The following ZDHHC5 variants were observed in gnomAD, a reference collection of about 807,000 sequenced individuals.
The protein encoded by ZDHHC5 is palmitoyltransferase ZDHHC5.
Under a neutral mutation model 70.0 loss-of-function variants are expected in ZDHHC5, and 22 were observed. The ratio of observed to expected loss-of-function variants is 0.31; its 90% CI spans 0.22 to 0.45. ZDHHC5 has a LOEUF of 0.45. ZDHHC5 is among the 20% of genes least tolerant of loss of function. The pLI is 1.00. For missense variants in ZDHHC5, 746 were observed against 926.9 expected (o/e 0.80, Z 2.53); for synonymous variants, 313 against 347.8 (o/e 0.90, Z 1.11).
intron 4 of ZDHHC5, 109 bp from the exon 5 acceptor site, chr11:57,689,922 A>T: frequency 1.5e-6 from 2 of 1,312,410 alleles, no homozygotes; most frequent in East Asian, 2.3e-5. Flanking sequence ...ATTTTGAACT[A>T]ATTGGTGACC....
Position 57,699,907 on chromosome 11 carries a change from G to C in ZDHHC5, c.2024G>C (p.Gly675Ala). The C allele has an allele frequency of 6.2e-7, 1 of 1,614,234 alleles. No individual in the cohort carries two copies. Residue 675 changes from glycine (G) to alanine (A), a missense_variant, in exon 12 of 12, where the codon GGG becomes GCG. Physicochemically the swap from Gly to Ala is moderately conservative, Grantham distance 60. Around this residue, in one of 6 missense-constraint regions of ZDHHC5, gnomAD observed 340 missense variants for 350.1 expected, o/e 0.97. Transcript: ENST00000287169. ...QLKTTYSKSN[G>A]QPKSLGSASP... ...AAGACCACCTACAGCAAATCCAACG[G>C]GCAGCCCAAGAGCTTAGGCTCAGCC...
intron 2 of ZDHHC5, among the ~76,000 whole-genome samples, chr11:57,674,370 T>TA (rs895042340): frequency 6.6e-6 from 1 of 152,106 alleles, no homozygotes; most frequent in African/African-American, 2.4e-5. Context: ...TCCTTGCTGT[T>TA]ACCTGTTTAT....
Position 57,695,955 on chromosome 11 carries a change from T to C in ZDHHC5, c.921T>C (p.Ser307=). The part of the protein sequence containing the change: ...KGSLEITESQ[S]ADAEPPPPPK... Reference sequence around the variant, plus strand: ...GCCTGGAGATAACAGAGAGCCAGTCTGCAGATGCTGAACCTCCACCTCCTC... The same window carrying C: ...GCCTGGAGATAACAGAGAGCCAGTCCGCAGATGCTGAACCTCCACCTCCTC... Residue 307 remains serine, a synonymous_variant, in exon 9 of 12, where the codon TCT becomes TCC. Transcript: ENST00000287169. 6.2e-7 allele frequency: 1 copy of C among 1,614,146 alleles called. No homozygotes were observed. Among genetic ancestry groups the C allele is most frequent in the Non-Finnish European group, 8.5e-7 (1 of 1,180,022 alleles).
At chr11:57,687,402 C>T (rs865848566) in intron 3 of ZDHHC5, among the ~76,000 whole-genome samples, 1 of 151,982 alleles carries the variant, frequency 6.6e-6, no homozygotes, top group African/African-American at 2.4e-5. Context: ...AAAACCCCGT[C>T]TCTATTAAAA....
intron 3 of ZDHHC5, among the ~76,000 whole-genome samples, chr11:57,683,100 T>C (rs1348930519): frequency 6.6e-6 from 1 of 152,212 alleles, no homozygotes; most frequent in Non-Finnish European, 1.5e-5. Context: ...AAACAGCACA[T>C]GCAGAAGCTT....
chr11:57,682,564 A>G, intron 3 of ZDHHC5, 21 bp downstream of exon 3: 2 of 1,613,256 alleles, frequency 1.2e-6, no homozygotes, highest in Non-Finnish European at 1.7e-6. Flanking sequence ...CTTCTCTCTT[A>G]GAAGCACCTT....
At chr11:57,673,368 TC>T (rs1946031194) in intron 2 of ZDHHC5, among the ~76,000 whole-genome samples, 174 bp downstream of exon 2, 1 of 152,208 alleles carries the variant, frequency 6.6e-6, no homozygotes, top group African/African-American at 2.4e-5. Context: ...GCCTGTCCTT[TC>T]AGTCGTGTTA....
intron 2 of ZDHHC5, among the ~76,000 whole-genome samples, chr11:57,681,250 A>G (rs932668177): frequency 6.6e-6 from 1 of 152,072 alleles, no homozygotes; most frequent in Non-Finnish European, 1.5e-5. Context: ...CCTTTTCTTC[A>G]CAGAATCCCA....
Position 57,699,183 on chromosome 11 carries a change from A to G in ZDHHC5, c.1747A>G (p.Thr583Ala), listed in dbSNP as rs1946403167. 3.7e-6 allele frequency: 6 copies of G among 1,614,218 alleles called. No homozygotes were observed. The East Asian group carries it at 1.3e-4, about 36-fold the overall frequency. The change falls in exon 11 of 12, where the codon ACT (threonine) becomes GCT (alanine). Residue 583 changes from threonine (T) to alanine (A), a missense_variant. Physicochemically the swap from Thr to Ala is moderately conservative, Grantham distance 58. Coordinates refer to ENST00000287169, the MANE Select transcript of ZDHHC5 (RefSeq NM_015457.3). ...STPGSGHAPR[T>A]SSSSDDSKRS... is the part of the protein sequence containing the mutation. Reference sequence around the variant, plus strand: ...ACCAGGCTCGGGCCATGCCCCTCGTACTAGTTCCTCCTCAGATGATTCAAA... The same window carrying G: ...ACCAGGCTCGGGCCATGCCCCTCGTGCTAGTTCCTCCTCAGATGATTCAAA...
At chr11:57,685,255 A>G (rs1946195035) in intron 3 of ZDHHC5, among the ~76,000 whole-genome samples, 1 of 152,256 alleles carries the variant, frequency 6.6e-6, no homozygotes, top group Non-Finnish European at 1.5e-5. Flanking sequence ...TTGTGTCCCT[A>G]AAGCCAAGAA....
At chr11:57,699,510 G>A (rs1002304891) in intron 11 of ZDHHC5, 92 bp downstream of exon 11, 2 of 1,497,718 alleles carry the variant, frequency 1.3e-6, no homozygotes, top group African/African-American at 2.8e-5. Context: ...ACATCCTAAT[G>A]TAGGTGGACC....
chr11:57,677,673 T>G (rs1946089745), intron 2 of ZDHHC5, among the ~76,000 whole-genome samples: 1 of 152,140 alleles, frequency 6.6e-6, no homozygotes, highest in Non-Finnish European at 1.5e-5. Context: ...TTATATAGTT[T>G]GCGGCTTTTC....
chr11:57,672,679 C>G lies in ZDHHC5; in HGVS notation c.-412C>G, dbSNP rs1465207101. Reference sequence around the variant, plus strand: ...TTGCCCAAAGTTTTTTTGCCATACCCTGATATTCTCTCCTTCTTTTGAAGA... The same window carrying G: ...TTGCCCAAAGTTTTTTTGCCATACCGTGATATTCTCTCCTTCTTTTGAAGA... On this transcript the variant is annotated 5_prime_UTR_variant, in exon 2 of 12. Transcript: ENST00000287169. 1 of 184,146 alleles carries G rather than the reference C, an allele frequency of 5.4e-6. No individual in the cohort carries two copies. The highest frequency in any genetic ancestry group is 2.3e-5 in the African/African-American group (1 of 42,726). 11.4% of individuals were successfully genotyped at this position (184,146 alleles called of 1,614,324 possible). A position where few individuals can be genotyped will look rare whatever the true frequency, so the allele number is the denominator to read the frequency against.
intron 11 of ZDHHC5, 149 bp downstream of exon 11, chr11:57,699,567 C>T (rs1345140642): frequency 1.7e-6 from 2 of 1,198,110 alleles, no homozygotes; most frequent in South Asian, 1.6e-5. Flanking sequence ...CTCTACCTGC[C>T]TTCATGGGCA....
At chr11:57,682,276 G>GATAA in intron 2 of ZDHHC5, 146 bp from the exon 3 acceptor site, 1 of 1,106,050 alleles carries the variant, frequency 9.0e-7, no homozygotes, top group Non-Finnish European at 1.2e-6. Flanking sequence ...TAGTGGGAAA[G>GATAA]ATAAAGATAA....
At chr11:57,673,683 G>T (rs1471997990) in intron 2 of ZDHHC5, among the ~76,000 whole-genome samples, 1 of 152,160 alleles carries the variant, frequency 6.6e-6, no homozygotes. Context: ...CGATTCTCCT[G>T]CCTCAGGCTC....
chr11:57,695,925 G>A lies in ZDHHC5; in HGVS notation c.891G>A (p.Lys297=). ...IQGELRRTKS[K]GSLEITESQS... ...CCCTCCCTTCATCAATCCAGTCTAA[G>A]GGAAGCCTGGAGATAACAGAGAGCC... is the stretch of plus-strand genomic sequence containing the variant. Residue 297 remains lysine (K), a synonymous_variant, in exon 9 of 12, where the codon AAG becomes AAA. Coordinates refer to ENST00000287169, the MANE Select transcript of ZDHHC5 (RefSeq NM_015457.3). The A allele has an allele frequency of 6.2e-7, 1 of 1,613,694 alleles. No individual in the cohort carries two copies. The highest frequency in any genetic ancestry group is 8.5e-7 in the Non-Finnish European group (1 of 1,179,880).
intron 7 of ZDHHC5, 28 bp from the exon 8 acceptor site, chr11:57,693,755 C>G (rs755993529): frequency 8.9e-5 from 39 of 439,384 alleles, no homozygotes; most frequent in East Asian, 3.1e-4. Flanking sequence ...CTCGCTGTGT[C>G]TCTCTCTCTC....
chr11:57,692,309 C>T (rs1171155595), intron 6 of ZDHHC5, among the ~76,000 whole-genome samples: 2 of 152,198 alleles, frequency 1.3e-5, no homozygotes, highest in East Asian at 3.9e-4. Flanking sequence ...GTGTGAGCTG[C>T]CATGCCCAGC....
Sources: gnomAD v4.1 joint callset for allele counts (sites outside exome capture counted in the v4.1 genomes callset) on GRCh38, gnomAD v4.1.1 for gene constraint, gnomAD v4.1.1 regional missense constraint, MANE v1.5 for transcripts, NCBI Gene and HGNC (gene_info 2026-07-23, HGNC 2026-07-21) for gene names.